SYT9: variants seen among roughly 807,000 people sequenced by gnomAD.
The protein encoded by SYT9 is synaptotagmin-9.
Under a neutral mutation model 48.4 loss-of-function variants are expected in SYT9, and 22 were observed. The observed-to-expected ratio is 0.45, with a 90% CI of 0.32 to 0.65. SYT9 has a LOEUF of 0.65. Among genes scored for constraint, SYT9 ranks in the 30% least tolerant of loss-of-function variants. SYT9 has a pLI of 0.03. For missense variants in SYT9, 577 were observed against 622.0 expected (o/e 0.93, Z 0.77); for synonymous variants, 265 against 245.0 (o/e 1.08, Z -0.76).
At chr11:7,362,606 T>C (rs893424907) in intron 3 of SYT9, among the ~76,000 whole-genome samples, 1 of 152,136 alleles carries the variant, frequency 6.6e-6, no homozygotes, top group African/African-American at 2.4e-5. Context: ...GCTGAAAAAT[T>C]GGTAGGGTAT....
chr11:7,355,638 C>A (rs567518198), intron 3 of SYT9, among the ~76,000 whole-genome samples: 1 of 152,300 alleles, frequency 6.6e-6, no homozygotes, highest in South Asian at 2.1e-4. Context: ...CAGCTACTGT[C>A]CTTGAGACAT....
chr11:7,380,797 C>G (rs1757231190), intron 3 of SYT9, among the ~76,000 whole-genome samples: 1 of 152,104 alleles, frequency 6.6e-6, no homozygotes, highest in Non-Finnish European at 1.5e-5. Context: ...CAAAATAAGA[C>G]TAAACCATAA....
chr11:7,370,981 A>C (rs928898828), intron 3 of SYT9, among the ~76,000 whole-genome samples: 1 of 152,172 alleles, frequency 6.6e-6, no homozygotes, highest in Non-Finnish European at 1.5e-5. Flanking sequence ...TTTGTATTCC[A>C]TATTTTTGAG....
intron 3 of SYT9, among the ~76,000 whole-genome samples, chr11:7,346,968 A>G (rs1849811873): frequency 6.6e-6 from 1 of 152,194 alleles, no homozygotes; most frequent in South Asian, 2.1e-4. Context: ...ACTAAACACA[A>G]AGTTTTGTCT....
chr11:7,288,245 GC>G (rs902865605), intron 1 of SYT9, among the ~76,000 whole-genome samples: 3 of 151,206 alleles, frequency 2.0e-5, no homozygotes, highest in Non-Finnish European at 4.4e-5. Flanking sequence ...TATGTACCTG[GC>G]TATTGTTGGT....
At chr11:7,310,755 T>C (rs1039921610) in intron 2 of SYT9, among the ~76,000 whole-genome samples, 1 of 151,964 alleles carries the variant, frequency 6.6e-6, no homozygotes, top group African/African-American at 2.4e-5. Context: ...TTGTGATTGG[T>C]TTTTAAGAGG....
At chr11:7,283,511 C>T (rs1386229987) in intron 1 of SYT9, among the ~76,000 whole-genome samples, 1 of 151,716 alleles carries the variant, frequency 6.6e-6, no homozygotes, top group Non-Finnish European at 1.5e-5. Context: ...ATCAGAGGAC[C>T]CATATTCAAA....
intron 3 of SYT9, among the ~76,000 whole-genome samples, chr11:7,399,602 G>A (rs959904022): frequency 6.6e-6 from 1 of 152,182 alleles, no homozygotes; most frequent in Non-Finnish European, 1.5e-5. Context: ...TTCCACTGAT[G>A]AAAATCTGAC....
chr11:7,405,363 C>T (rs4397827), intron 3 of SYT9, among the ~76,000 whole-genome samples: 125,920 of 152,120 alleles, frequency 0.83, 52,337 homozygotes, highest in African/African-American at 0.92. Flanking sequence ...TCAAATGTCT[C>T]GTTGGGGAGC....
At chr11:7,345,754 A>G (rs1266826870) in intron 3 of SYT9, among the ~76,000 whole-genome samples, 4 of 152,250 alleles carry the variant, frequency 2.6e-5, no homozygotes, top group Admixed American at 2.6e-4. Context: ...CAAATTGTCA[A>G]CATATCCTGT....
chr11:7,277,053 CA>C (rs936675846), intron 1 of SYT9, among the ~76,000 whole-genome samples: 1 of 140,478 alleles, frequency 7.1e-6, no homozygotes, highest in African/African-American at 2.5e-5. Context: ...GACTCTATCT[CA>C]AAAAACAAAA....
intron 3 of SYT9, among the ~76,000 whole-genome samples, chr11:7,346,808 C>T (rs1406219746): frequency 2.6e-5 from 4 of 152,182 alleles, no homozygotes; most frequent in South Asian, 2.1e-4. Context: ...TACAAAGTCA[C>T]CTATAGTCCC....
intron 3 of SYT9, among the ~76,000 whole-genome samples, chr11:7,347,168 C>T (rs1035251757): frequency 4.6e-5 from 7 of 152,150 alleles, no homozygotes; most frequent in Admixed American, 1.3e-4. Context: ...TCACAGTCAG[C>T]GTACCCAGAA....
intron 3 of SYT9, among the ~76,000 whole-genome samples, chr11:7,353,784 C>A (rs1315836661): frequency 6.6e-6 from 1 of 152,160 alleles, no homozygotes; most frequent in East Asian, 1.9e-4. Context: ...CACTGCACTT[C>A]TATTCATAAA....
intron 1 of SYT9, among the ~76,000 whole-genome samples, chr11:7,246,069 C>T (rs1847787690): frequency 6.6e-6 from 1 of 151,876 alleles, no homozygotes; most frequent in African/African-American, 2.4e-5. Flanking sequence ...TTTCAGTTAC[C>T]ATCTTCTCTT....
intron 6 of SYT9, among the ~76,000 whole-genome samples, chr11:7,452,792 C>CT (rs1848079258): frequency 6.6e-6 from 1 of 151,962 alleles, no homozygotes; most frequent in Admixed American, 6.5e-5. Context: ...ACCCAAACTC[C>CT]TTTTTATGAG....
chr11:7,346,348 G>A (rs928157971), intron 3 of SYT9, among the ~76,000 whole-genome samples: 1 of 152,218 alleles, frequency 6.6e-6, no homozygotes, highest in East Asian at 1.9e-4. Flanking sequence ...CAGCAGAGGG[G>A]GTTCCTGTGG....
intron 2 of SYT9, among the ~76,000 whole-genome samples, chr11:7,308,274 T>C (rs1259725537): frequency 6.6e-6 from 1 of 152,226 alleles, no homozygotes; most frequent in African/African-American, 2.4e-5. Flanking sequence ...CCTTGGATCC[T>C]GAAGCCTTGT....
rs1360132726 is a variant in SYT9, at chr11:7,305,287, C to T, written c.497+1897C>T. On this transcript the variant is annotated intron_variant, in intron 2 of 6. Transcript: ENST00000318881. Reference sequence around the variant, plus strand: ...AAAATCAAGTTTAGCAATATCTGAACTACTATAAGAAAACTACTCTTTTCT... The same window carrying T: ...AAAATCAAGTTTAGCAATATCTGAATTACTATAAGAAAACTACTCTTTTCT... Among the ~76,000 whole-genome samples the T allele has an allele frequency of 2.6e-5, 4 of 152,168 alleles. No individual in the cohort carries two copies. In the South Asian group the frequency reaches 8.3e-4, roughly 32 times the overall value.
Sources: allele counts gnomAD v4.1 joint callset (sites outside exome capture counted in the v4.1 genomes callset), GRCh38; gene constraint gnomAD v4.1.1; transcripts MANE v1.5; gene names NCBI Gene and HGNC (gene_info 2026-07-23, HGNC 2026-07-21).